The following SCN8A variants were observed in gnomAD, a reference collection of about 807,000 sequenced individuals.
The protein encoded by SCN8A is sodium channel protein type 8 subunit alpha.
Under a neutral mutation model 184.1 loss-of-function variants are expected in SCN8A, and 30 were observed. The ratio of observed to expected loss-of-function variants is 0.16; its 90% CI spans 0.12 to 0.22. The LOEUF (loss-of-function observed/expected upper bound fraction) is 0.22. SCN8A is among the 10% of genes least tolerant of loss of function. SCN8A has a pLI of 1.00. For synonymous variants in SCN8A, 852 were observed against 907.0 expected, an observed-to-expected ratio of 0.94 and a Z score of 1.09; for missense variants, 1,057 against 2,498.9, an observed-to-expected ratio of 0.42 and a Z score of 12.30.
At chr12:51,752,216 A>G (rs956638708) in intron 14 of SCN8A, among the ~76,000 whole-genome samples, 2 of 152,210 alleles carry the variant, frequency 1.3e-5, no homozygotes, top group South Asian at 2.1e-4. Context: ...TTTGTTTACT[A>G]CAAAAATCAG....
chr12:51,745,889 T>C lies in SCN8A; in HGVS notation c.1999-14T>C, dbSNP rs765931289. 22 of 1,557,350 alleles carry C rather than the reference T, an allele frequency of 1.4e-5. No individual in the cohort carries two copies. The South Asian group carries it at 2.6e-4, about 18-fold the overall frequency. The stretch of plus-strand genomic sequence containing the variant: ...TAACTCACTCTATTTGCTTTTCTTT[T>C]TTTTTTTTTAAAGGCTACAACTGAG... On this transcript the variant is annotated splice_polypyrimidine_tract_variant and intron_variant, in intron 12 of 26. Coordinates refer to ENST00000627620, the MANE Select transcript of SCN8A (RefSeq NM_001330260.2).
intron 13 of SCN8A, among the ~76,000 whole-genome samples, chr12:51,750,310 C>T (rs181964410): frequency 6.6e-6 from 1 of 151,652 alleles, no homozygotes; most frequent in Non-Finnish European, 1.5e-5. Context: ...CTTTCTGTTT[C>T]TAAAAGAGAC....
In SCN8A at chr12:51,751,266, T is replaced by C. The variant is rs1374583125; in HGVS notation, c.2132-89T>C. ...CAAAACAACCTTGATTCCATATTAA[T>C]AACAGTGATAATGACTGAGAGTGAG... is the stretch of plus-strand genomic sequence containing the variant. On this transcript the variant is annotated intron_variant, in intron 13 of 26. Transcript: ENST00000627620. 5.6e-5 allele frequency: 47 copies of C among 841,536 alleles called. No homozygotes were observed. The Admixed American group carries it at 1.0e-3, about 18-fold the overall frequency. 52.1% of individuals were successfully genotyped at this position (841,536 alleles called of 1,614,324 possible). A position where few individuals can be genotyped will look rare whatever the true frequency, so the allele number is the denominator to read the frequency against.
chr12:51,797,287 C>T (rs751163315), intron 26 of SCN8A, among the ~76,000 whole-genome samples: 1 of 152,142 alleles, frequency 6.6e-6, no homozygotes, highest in Admixed American at 6.5e-5. Flanking sequence ...GTTAACAACA[C>T]TTAAATGCTG....
chr12:51,778,899 A>G (rs1370878087), intron 20 of SCN8A, among the ~76,000 whole-genome samples: 1 of 152,092 alleles, frequency 6.6e-6, no homozygotes, highest in East Asian at 1.9e-4. Context: ...ATCTTAACCT[A>G]TCCTAGAATT....
intron 12 of SCN8A, among the ~76,000 whole-genome samples, chr12:51,734,796 C>T (rs572712422): frequency 6.6e-5 from 10 of 152,342 alleles, no homozygotes; most frequent in African/African-American, 2.2e-4. Context: ...TCAGAATCTG[C>T]ATCTGCAGAC....
chr12:51,770,712 G>T (rs776779649), intron 19 of SCN8A, 29 bp downstream of exon 19: 55 of 1,609,646 alleles, frequency 3.4e-5, no homozygotes, highest in South Asian at 1.4e-4. Context: ...TGTGAGGAGG[G>T]ATTGGCTGGG....
In SCN8A at chr12:51,780,381, G is replaced by A. The variant is rs986908398; in HGVS notation, c.3820-268G>A. The A allele has an allele frequency of 1.4e-5, 5 of 349,840 alleles. 1 individual carries two copies. Among genetic ancestry groups the A allele is most frequent in the African/African-American group, 6.6e-5 (3 of 45,158 alleles). The allele number at this position is 349,840 out of a possible 1,614,324, so 21.7% of individuals were successfully genotyped here. A position where few individuals can be genotyped will look rare whatever the true frequency, so the allele number is the denominator to read the frequency against. On this transcript the variant is annotated intron_variant, in intron 20 of 26. Transcript: ENST00000627620. ...TTCCAACTTGTGTGTATGTTCTACC[G>A]CCTTCTCGATTTTCTCTTCCCTGTT...
intron 5 of SCN8A, 61 bp downstream of exon 5, chr12:51,687,280 C>T: frequency 6.3e-7 from 1 of 1,591,588 alleles, no homozygotes; most frequent in Non-Finnish European, 8.6e-7. Flanking sequence ...GAGTTGTACT[C>T]CTGGGTCTGT....
At chr12:51,781,659 C>T (rs989813886) in intron 21 of SCN8A, among the ~76,000 whole-genome samples, 6 of 151,840 alleles carry the variant, frequency 4.0e-5, no homozygotes, top group Non-Finnish European at 5.9e-5. Flanking sequence ...CGCGCACGCA[C>T]GCGCACACAC....
At position 51,618,542 on chromosome 12, in the gene SCN8A, G is replaced by A. The variant is rs144037874; in HGVS notation, c.-55+27183G>A. On this transcript the variant is annotated intron_variant, in intron 1 of 26. Transcript: ENST00000627620. ...AAAAAGGCAAAACTCTGCTGGTTTTGTGATACTTTGAATTGTGGGTTTCTT... is the reference window on the plus strand; with the variant it reads ...AAAAAGGCAAAACTCTGCTGGTTTTATGATACTTTGAATTGTGGGTTTCTT... Among the ~76,000 whole-genome samples the A allele has an allele frequency of 1.1e-3, 161 of 151,872 alleles. 2 individuals are homozygous for A. The highest frequency in any genetic ancestry group is 3.1e-3 in the African/African-American group (127 of 41,368).
chr12:51,712,477 A>G (rs1416386645), intron 11 of SCN8A: 3 of 768,484 alleles, frequency 3.9e-6, no homozygotes, highest in African/African-American at 3.4e-5. Flanking sequence ...ACCTTCTGCT[A>G]CTATATCCAC....
chr12:51,806,218 A>G lies in SCN8A; in HGVS notation c.4796-64A>G, dbSNP rs1449484640. The G allele has an allele frequency of 2.1e-6, 3 of 1,446,550 alleles. No individual in the cohort carries two copies. Among genetic ancestry groups the G allele is most frequent in the Non-Finnish European group, 2.8e-6 (3 of 1,084,804 alleles). 89.6% of individuals were successfully genotyped at this position (1,446,550 alleles called of 1,614,324 possible). A position where few individuals can be genotyped will look rare whatever the true frequency, so the allele number is the denominator to read the frequency against. The stretch of plus-strand genomic sequence containing the variant: ...CTAAGGGTTCCACAATGCCAGGTAA[A>G]AAAAATAAAGAGAAAGGGTGTCTCC... On this transcript the variant is annotated intron_variant, in intron 26 of 26. Transcript: ENST00000627620. This position sits in a 1 kb window ranked among gnomAD's most constrained non-coding sequence, Gnocchi z 8.7.
intron 11 of SCN8A, among the ~76,000 whole-genome samples, chr12:51,715,187 AC>A (rs1467406856): frequency 1.3e-5 from 2 of 152,212 alleles, no homozygotes; most frequent in East Asian, 3.8e-4. Flanking sequence ...AAAGAGTGAA[AC>A]AAGGAATTAG....
intron 2 of SCN8A, among the ~76,000 whole-genome samples, chr12:51,665,275 G>T (rs927918915): frequency 6.6e-6 from 1 of 152,192 alleles, no homozygotes; most frequent in Non-Finnish European, 1.5e-5. Flanking sequence ...GACCTGATGG[G>T]TGTCATTCAT....
chr12:51,643,948 G>C (rs544905410), intron 1 of SCN8A, among the ~76,000 whole-genome samples: 2 of 152,240 alleles, frequency 1.3e-5, no homozygotes, highest in East Asian at 3.9e-4. Flanking sequence ...ATAAATTCTT[G>C]GTCATTGTTG....
In SCN8A at chr12:51,721,552, C is replaced by T. The variant is rs1447561425; in HGVS notation, c.1642C>T (p.Leu548Phe). The change falls in exon 12 of 27, where the codon CTC becomes TTC. Residue 548 changes from leucine to phenylalanine, a missense_variant. Physicochemically the swap from Leu to Phe is conservative, Grantham distance 22. This residue lies in a region of SCN8A where 322 missense variants were observed against 390.1 expected (regional missense o/e 0.83). Coordinates refer to ENST00000627620, the MANE Select transcript of SCN8A (RefSeq NM_001330260.2). Reference protein sequence around the residue: ...RKFSIMNQSLLSIPGSPFLSR... With the variant: ...RKFSIMNQSLFSIPGSPFLSR... ...TCCCTGTCTGCCCCTGCAGTCACTGCTCAGCATCCCAGGCTCGCCCTTCCT... is the reference window on the plus strand; with the variant it reads ...TCCCTGTCTGCCCCTGCAGTCACTGTTCAGCATCCCAGGCTCGCCCTTCCT... 1.2e-6 allele frequency: 2 copies of T among 1,602,310 alleles called. No homozygotes were observed. Among genetic ancestry groups the T allele is most frequent in the Non-Finnish European group, 1.7e-6 (2 of 1,174,162 alleles).
At chr12:51,625,313 T>C (rs1940055220) in intron 1 of SCN8A, among the ~76,000 whole-genome samples, 1 of 152,230 alleles carries the variant, frequency 6.6e-6, no homozygotes, top group Admixed American at 6.5e-5. Context: ...GCAAAATGTA[T>C]TTAAGATTCA....
intron 1 of SCN8A, among the ~76,000 whole-genome samples, chr12:51,637,531 G>A (rs1037352745): frequency 2.6e-5 from 4 of 152,164 alleles, no homozygotes; most frequent in South Asian, 2.1e-4. Context: ...GAGAAAGTTC[G>A]AATGGTCTGG....
Sources: gnomAD v4.1 joint callset for allele counts (sites outside exome capture counted in the v4.1 genomes callset) on GRCh38, gnomAD v4.1.1 for gene constraint, gnomAD v4.1.1 regional missense constraint, Gnocchi (gnomAD v3.1) non-coding constraint, MANE v1.5 for transcripts, NCBI Gene and HGNC (gene_info 2026-07-23, HGNC 2026-07-21) for gene names.